The following SNTG2 variants were observed in gnomAD, a reference collection of about 807,000 sequenced individuals.
SNTG2 encodes gamma-2-syntrophin.
In SNTG2, 74 loss-of-function variants were observed where a neutral mutation model predicts 70.9. The observed-to-expected ratio is 1.04, with a 90% confidence interval of 0.86 to 1.27. SNTG2 has a LOEUF of 1.27. Among genes scored for constraint, SNTG2 ranks in the 50% most tolerant of loss-of-function variants. The pLI is 0.00. For missense variants in SNTG2, 717 were observed against 690.7 expected, an observed-to-expected ratio of 1.04 and a Z score of -0.43; for synonymous variants, 278 against 273.8, an observed-to-expected ratio of 1.02 and a Z score of -0.15.
rs566393102 is a variant in SNTG2, at chr2:1,210,128, A to G, written c.719+898A>G. Reference sequence around the variant, plus strand: ...ATGAAGCGTTAGAATTAGGTTTTCTATATTAATTGGTATTAGCTGTACAGC... The same window carrying G: ...ATGAAGCGTTAGAATTAGGTTTTCTGTATTAATTGGTATTAGCTGTACAGC... On this transcript the variant is annotated intron_variant, in intron 9 of 16. Coordinates refer to ENST00000308624, the MANE Select transcript of SNTG2 (RefSeq NM_018968.4). Among the ~76,000 whole-genome samples the G allele has an allele frequency of 3.9e-5, 6 of 152,326 alleles. No individual in the cohort carries two copies. The South Asian group carries it at 8.3e-4, about 21-fold the overall frequency.
intron 1 of SNTG2, among the ~76,000 whole-genome samples, chr2:962,447 CT>C (rs1280151819): frequency 6.6e-6 from 1 of 152,176 alleles, no homozygotes; most frequent in African/African-American, 2.4e-5. Flanking sequence ...TGCCTTGCAC[CT>C]TTTCTTTAAC....
rs561755264 is a variant in SNTG2 at position 1,225,749 on chromosome 2, G to A, written c.720-12139G>A. On this transcript the variant is annotated intron_variant, in intron 9 of 16. Transcript: ENST00000308624. ...CTAAGAAATCATTGCAGAGACGTTC[G>A]TTCCCAGGGATCTGAATGAAGTAGA... Among the ~76,000 whole-genome samples, 26 of 152,348 alleles carry A rather than the reference G, an allele frequency of 1.7e-4. 1 individual carries two copies. In the South Asian group the frequency reaches 1.9e-3, roughly 11 times the overall value.
chr2:1,026,678 A>G (rs1660497541), intron 1 of SNTG2, among the ~76,000 whole-genome samples: 1 of 152,196 alleles, frequency 6.6e-6, no homozygotes, highest in African/African-American at 2.4e-5. Context: ...AATGGAGCTC[A>G]GGAAACAACC....
chr2:1,247,184 C>G, intron 11 of SNTG2, 143 bp from the exon 12 acceptor site: 2 of 582,218 alleles, frequency 3.4e-6, no homozygotes, highest in Non-Finnish European at 6.2e-6. Context: ...GATTTGGAAA[C>G]TTGGACATCT....
chr2:1,268,806 T>A (rs1678877478), intron 14 of SNTG2, among the ~76,000 whole-genome samples: 1 of 152,200 alleles, frequency 6.6e-6, no homozygotes, highest in African/African-American at 2.4e-5. Flanking sequence ...TGGGACAAGG[T>A]GACCTTTCTG....
At chr2:1,024,492 C>T (rs952719214) in intron 1 of SNTG2, among the ~76,000 whole-genome samples, 1 of 152,154 alleles carries the variant, frequency 6.6e-6, no homozygotes, top group East Asian at 1.9e-4. Flanking sequence ...GCTTCGGCTT[C>T]CTGAGTAGCT....
chr2:976,218 A>G (rs1031655072), intron 1 of SNTG2, among the ~76,000 whole-genome samples: 5 of 152,202 alleles, frequency 3.3e-5, no homozygotes, highest in African/African-American at 1.2e-4. Context: ...AAAATTATGG[A>G]TCTTTTGAAG....
At chr2:1,317,807 T>C (rs1558203662) in intron 16 of SNTG2, among the ~76,000 whole-genome samples, 1 of 151,722 alleles carries the variant, frequency 6.6e-6, no homozygotes, top group Non-Finnish European at 1.5e-5. Context: ...GGTTTGGATT[T>C]TCATTTTTGG....
At chr2:1,288,569 A>G (rs1174912933) in intron 14 of SNTG2, among the ~76,000 whole-genome samples, 4 of 152,314 alleles carry the variant, frequency 2.6e-5, no homozygotes, top group East Asian at 3.9e-4. Context: ...ACACAGGCCC[A>G]TGCATGCAGG....
chr2:1,299,928 T>G, intron 14 of SNTG2, among the ~76,000 whole-genome samples: 1 of 152,180 alleles, frequency 6.6e-6, no homozygotes, highest in East Asian at 1.9e-4. Context: ...ATGACGGCAC[T>G]GTGACCATCA....
chr2:1,032,182 C>T (rs916175596), intron 1 of SNTG2, among the ~76,000 whole-genome samples: 6 of 152,070 alleles, frequency 3.9e-5, no homozygotes, highest in African/African-American at 9.7e-5. Flanking sequence ...AACGCTGCAG[C>T]GGGACCACGG....
chr2:1,126,151 TC>T (rs1422080425), intron 4 of SNTG2, among the ~76,000 whole-genome samples: 5 of 152,108 alleles, frequency 3.3e-5, no homozygotes, highest in African/African-American at 1.2e-4. Context: ...CTCTCTTACC[TC>T]CTCCCCTTCC....
chr2:1,264,311 A>G (rs971822772), intron 13 of SNTG2, among the ~76,000 whole-genome samples: 1 of 152,222 alleles, frequency 6.6e-6, no homozygotes, highest in Non-Finnish European at 1.5e-5. Flanking sequence ...ATAGTGTGAC[A>G]TGGGTTTCTG....
At chr2:1,225,744 C>T (rs926258388) in intron 9 of SNTG2, among the ~76,000 whole-genome samples, 5 of 152,172 alleles carry the variant, frequency 3.3e-5, no homozygotes, top group African/African-American at 9.7e-5. Context: ...ATTGCAGAGA[C>T]GTTCGTTCCC....
intron 16 of SNTG2, among the ~76,000 whole-genome samples, chr2:1,354,903 C>T (rs1558227635): frequency 6.6e-6 from 1 of 152,220 alleles, no homozygotes; most frequent in Non-Finnish European, 1.5e-5. Context: ...GTAGACGTTT[C>T]ACAGGCAACG....
chr2:1,039,243 G>A (rs1180563802), intron 1 of SNTG2, among the ~76,000 whole-genome samples: 1 of 152,150 alleles, frequency 6.6e-6, no homozygotes, highest in Non-Finnish European at 1.5e-5. Flanking sequence ...TTATTTTCTT[G>A]TGATAGTTTT....
At chr2:1,179,408 C>T (rs899384356) in intron 8 of SNTG2, among the ~76,000 whole-genome samples, 1 of 152,104 alleles carries the variant, frequency 6.6e-6, no homozygotes, top group Non-Finnish European at 1.5e-5. Flanking sequence ...CACAAGCATT[C>T]TTATACACCA....
At chr2:1,308,812 G>A (rs925420131) in intron 15 of SNTG2, among the ~76,000 whole-genome samples, 1 of 152,144 alleles carries the variant, frequency 6.6e-6, no homozygotes, top group African/African-American at 2.4e-5. Context: ...AGGGTCAGGT[G>A]GGTGGATAGG....
At chr2:978,513 A>C (rs770808112) in intron 1 of SNTG2, among the ~76,000 whole-genome samples, 1 of 152,116 alleles carries the variant, frequency 6.6e-6, no homozygotes, top group Non-Finnish European at 1.5e-5. Context: ...AGGAGGTATA[A>C]ATTTTCCCTG....
Sources: allele counts gnomAD v4.1 joint callset (sites outside exome capture counted in the v4.1 genomes callset), GRCh38; gene constraint gnomAD v4.1.1; transcripts MANE v1.5; gene names NCBI Gene and HGNC (gene_info 2026-07-23, HGNC 2026-07-21).